Variants in ITGB1 observed in about 807,000 individuals in gnomAD.
The protein encoded by ITGB1 is integrin subunit beta 1.
In ITGB1, 24 loss-of-function variants were observed where a neutral mutation model predicts 86.5. That is an observed-to-expected ratio of 0.28 (90% CI 0.20 to 0.39). ITGB1 has a LOEUF of 0.39. ITGB1 is among the 10% of genes least tolerant of loss of function. The pLI, the probability that ITGB1 is intolerant of heterozygous loss-of-function variation, is 1.00. For synonymous variants in ITGB1, 323 were observed against 316.8 expected (o/e 1.02, Z -0.21); for missense variants, 556 against 946.9 (o/e 0.59, Z 5.42).
At chr10:32,932,636 G>T in intron 2 of ITGB1, 36 bp from the exon 3 acceptor site, 1 of 1,145,310 alleles carries the variant, frequency 8.7e-7, no homozygotes, top group South Asian at 1.2e-5. Flanking sequence ...CATTTTATGT[G>T]AAGTGTCAGA....
chr10:32,911,878 T>C lies in ITGB1; in HGVS notation c.1708+8A>G, dbSNP rs752008499. The C allele has an allele frequency of 3.1e-6, 5 of 1,602,560 alleles. No homozygotes were observed. In the East Asian group the frequency reaches 1.1e-4, roughly 36 times the overall value. On this transcript the variant is annotated splice_region_variant and intron_variant, in intron 12 of 15. Coordinates refer to ENST00000302278, the MANE Select transcript of ITGB1 (RefSeq NM_002211.4). The stretch of plus-strand genomic sequence containing the variant: ...ACATCTTACAACCACTTCAGGCCCT[T>C]TACTTACCTCCACAAATTAAGCCAT...
intron 15 of ITGB1, chr10:32,906,957 A>T: frequency 1.9e-6 from 1 of 530,510 alleles, no homozygotes; most frequent in Non-Finnish European, 3.4e-6. Context: ...AGCGATATTT[A>T]AAGCCAGACT....
intron 11 of ITGB1, among the ~76,000 whole-genome samples, chr10:32,913,955 A>T (rs2094922793): frequency 6.6e-6 from 1 of 152,240 alleles, no homozygotes; most frequent in African/African-American, 2.4e-5. Context: ...CCATCAGACT[A>T]GCAGCAGATC....
chr10:32,945,130 T>C, intron 1 of ITGB1: 1 of 355,800 alleles, frequency 2.8e-6, no homozygotes, highest in South Asian at 2.9e-5. Context: ...TTCTACTGAT[T>C]TTATTCTGGA....
At chr10:32,903,278 G>C (rs541647439) in intron 15 of ITGB1, among the ~76,000 whole-genome samples, 150 of 147,542 alleles carry the variant, frequency 1.0e-3, no homozygotes, top group African/African-American at 3.6e-3. Flanking sequence ...CTTGAACCCG[G>C]GAAGCGGAGA....
At chr10:32,937,554 C>CAAAAAAAAAAA (rs56280552) in intron 1 of ITGB1, among the ~76,000 whole-genome samples, 49 of 91,844 alleles carry the variant, frequency 5.3e-4, no homozygotes, top group Non-Finnish European at 9.0e-4. Context: ...GACTCCGTCT[C>CAAAAAAAAAAA]AAAAAAAAAA....
At position 32,923,721 on chromosome 10, in the gene ITGB1, T is replaced by C; in HGVS notation, c.806A>G (p.Asn269Ser). The C allele has an allele frequency of 1.2e-6, 2 of 1,613,010 alleles. No individual in the cohort carries two copies. Among genetic ancestry groups the C allele is most frequent in the South Asian group, 2.2e-5 (2 of 90,800 alleles). Residue 269 changes from asparagine to serine, a missense_variant, in exon 7 of 16, where the codon AAT becomes AGT. By Grantham distance (46) the Asn-to-Ser change is conservative. Around this residue, in one of 4 missense-constraint regions of ITGB1, gnomAD observed 25 missense variants for 76.3 expected, o/e 0.33. Transcript: ENST00000302278. ...GGAAAACACCAGCAGCCGTGTAACA[T>C]TCCTCCAGCCAATCAGTGACTTGAA... ...AVCGSLIGWR[N>S]VTRLLVFSTD...
At chr10:32,909,327 A>C (rs979655384) in intron 14 of ITGB1, among the ~76,000 whole-genome samples, 6 of 152,212 alleles carry the variant, frequency 3.9e-5, no homozygotes, top group Non-Finnish European at 8.8e-5. Flanking sequence ...TTTGTCACAC[A>C]CTAACTCAAA....
chr10:32,939,002 C>T (rs1481677163), intron 1 of ITGB1, among the ~76,000 whole-genome samples: 1 of 152,164 alleles, frequency 6.6e-6, no homozygotes, highest in African/African-American at 2.4e-5. Flanking sequence ...GCCCCCTGCA[C>T]ATGCGCATGG....
At chr10:32,934,300 A>G (rs887936862) in intron 2 of ITGB1, among the ~76,000 whole-genome samples, 1 of 152,210 alleles carries the variant, frequency 6.6e-6, no homozygotes, top group Non-Finnish European at 1.5e-5. Context: ...TATTCCCTAA[A>G]CAATACAGTG....
Position 32,911,535 on chromosome 10 carries a change from C to T in ITGB1, c.1844G>A (p.Cys615Tyr), listed in dbSNP as rs768376224. The T allele has an allele frequency of 6.2e-7, 1 of 1,614,156 alleles. No individual in the cohort carries two copies. The highest frequency in any genetic ancestry group is 1.3e-5 in the African/African-American group (1 of 75,046). Residue 615 changes from cysteine to tyrosine, a missense_variant, in exon 13 of 16, where the codon TGT becomes TAT. By Grantham distance (194) the Cys-to-Tyr change is radical. Coordinates refer to ENST00000302278, the MANE Select transcript of ITGB1 (RefSeq NM_002211.4). ...QICNGRGICE[C>Y]GVCKCTDPKF... ...CGGATCTGTACACTTACAGACACCA[C>T]ACTCGCAGATGCCCCGGCCATTGCA...
intron 1 of ITGB1, among the ~76,000 whole-genome samples, chr10:32,938,968 C>T (rs1374313054): frequency 6.6e-6 from 1 of 152,148 alleles, no homozygotes; most frequent in African/African-American, 2.4e-5. Context: ...ATGCTGCTGG[C>T]CTTCCCTTCT....
At chr10:32,907,133 G>A (rs200621785) in intron 15 of ITGB1, 7 of 1,313,974 alleles carry the variant, frequency 5.3e-6, no homozygotes, top group Non-Finnish European at 7.2e-6. Flanking sequence ...CTTGTAAATC[G>A]GATTTTCTTG....
chr10:32,938,455 A>T (rs1171072422), intron 1 of ITGB1, among the ~76,000 whole-genome samples: 1 of 152,224 alleles, frequency 6.6e-6, no homozygotes, highest in African/African-American at 2.4e-5. Context: ...TACAATTTAG[A>T]CAATCACCAC....
intron 3 of ITGB1, among the ~76,000 whole-genome samples, chr10:32,930,672 CAAGGGTA>C (rs1275269504): frequency 6.6e-6 from 1 of 151,574 alleles, no homozygotes; most frequent in Non-Finnish European, 1.5e-5. Flanking sequence ...AAGTATATGA[CAAGGGTA>C]AAAGGAGTAA....
chr10:32,918,542 T>C (rs765921270), intron 11 of ITGB1, among the ~76,000 whole-genome samples: 2 of 152,106 alleles, frequency 1.3e-5, no homozygotes, highest in Non-Finnish European at 2.9e-5. Context: ...CAGGCGCACA[T>C]GTACATTCCA....
At chr10:32,919,299 A>G (rs943419044) in intron 11 of ITGB1, among the ~76,000 whole-genome samples, 1 of 152,214 alleles carries the variant, frequency 6.6e-6, no homozygotes, top group African/African-American at 2.4e-5. Flanking sequence ...TTCATTTTCA[A>G]TTACAAAAAG....
chr10:32,910,275 C>A lies in ITGB1; in HGVS notation c.2112G>T (p.Thr704=). Residue 704 remains threonine, a synonymous_variant, in exon 14 of 16, where the codon ACG becomes ACT. Transcript: ENST00000302278. ...CCTCGTTGTTCCCATTCACTGAATA[C>A]GTAAAATAGAACCAACAGTCGTCAA... ...KDVDDCWFYF[T]YSVNGNNEVM... 1 of 1,609,268 alleles carries A rather than the reference C, an allele frequency of 6.2e-7. No individual in the cohort carries two copies. The highest frequency in any genetic ancestry group is 8.5e-7 in the Non-Finnish European group (1 of 1,176,678).
chr10:32,956,367 C>A (rs1019256657), intron 1 of ITGB1, among the ~76,000 whole-genome samples: 8 of 150,650 alleles, frequency 5.3e-5, no homozygotes. Flanking sequence ...ATTCCTCTAG[C>A]ATGTTATTTT....
Sources: gnomAD v4.1 joint callset for allele counts (sites outside exome capture counted in the v4.1 genomes callset) on GRCh38, gnomAD v4.1.1 for gene constraint, gnomAD v4.1.1 regional missense constraint, MANE v1.5 for transcripts, NCBI Gene and HGNC (gene_info 2026-07-23, HGNC 2026-07-21) for gene names.